The following RABL6 variants were observed in gnomAD, a reference collection of about 807,000 sequenced individuals.
RABL6 encodes rab-like protein 6.
Under a neutral mutation model 72.9 loss-of-function variants are expected in RABL6, and 28 were observed. That is an observed-to-expected ratio of 0.38 (90% confidence interval 0.28 to 0.53). RABL6 has a LOEUF of 0.53. RABL6 is among the 20% of genes least tolerant of loss of function. The probability of loss-of-function intolerance (pLI) is 0.80; values close to 1 mark genes in which losing one functional copy is unlikely to be tolerated. For synonymous variants in RABL6, 477 were observed against 421.2 expected (o/e 1.13, Z -1.62); for missense variants, 1,029 against 1,008.4 (o/e 1.02, Z -0.28).
In RABL6 at chr9:136,838,979, C is replaced by T. The variant is rs1208557972; in HGVS notation, c.1351C>T (p.Pro451Ser). ...GGACGATGTGGACCTCGAAGACCAG[C>T]CACGTGGGAGTCCCCCGCTGCCTGC... ...FQDDVDLEDQ[P>S]RGSPPLPAGP... Residue 451 changes from proline (P) to serine (S), a missense_variant, in exon 11 of 15, where the codon CCA becomes TCA. Pro to Ser is a moderately conservative substitution (Grantham distance 74). This residue lies in a region of RABL6 where 595 missense variants were observed against 472.4 expected (regional missense o/e 1.26). Transcript: ENST00000311502. The T allele has an allele frequency of 1.2e-6, 2 of 1,611,602 alleles. No individual in the cohort carries two copies. The highest frequency in any genetic ancestry group is 2.2e-5 in the East Asian group (1 of 44,866).
intron 5 of RABL6, 135 bp from the exon 6 acceptor site, chr9:136,831,586 G>T (rs1187642602): frequency 1.5e-5 from 20 of 1,291,068 alleles, no homozygotes; most frequent in Non-Finnish European, 1.9e-5. Flanking sequence ...CATGCACGAG[G>T]CATGCTTCTG....
intron 6 of RABL6, 147 bp from the exon 7 acceptor site, chr9:136,832,118 C>G: frequency 1.1e-6 from 1 of 903,330 alleles, no homozygotes; most frequent in Non-Finnish European, 1.7e-6. Context: ...GGCTTAGCTG[C>G]TTAGCAGGGC....
chr9:136,810,527 ATTTCT>A (rs765538814), intron 1 of RABL6, among the ~76,000 whole-genome samples: 7 of 152,140 alleles, frequency 4.6e-5, no homozygotes, highest in South Asian at 4.2e-4. Flanking sequence ...AGTTTCTAGT[ATTTCT>A]TTTCTTTTCT....
At chr9:136,817,962 C>T (rs1283651136) in intron 1 of RABL6, among the ~76,000 whole-genome samples, 5 of 148,428 alleles carry the variant, frequency 3.4e-5, no homozygotes, top group African/African-American at 7.5e-5. Flanking sequence ...CTCAGGAGGC[C>T]GAGGCACAAG....
chr9:136,828,283 G>T, intron 3 of RABL6: 1 of 566,092 alleles, frequency 1.8e-6, no homozygotes, highest in Non-Finnish European at 3.2e-6. Flanking sequence ...GTCCAGGCCC[G>T]GCCCAGCCCT....
intron 7 of RABL6, 80 bp downstream of exon 7, chr9:136,832,450 C>G (rs756048697): frequency 1.8e-6 from 2 of 1,128,218 alleles, no homozygotes; most frequent in South Asian, 1.2e-5. Context: ...CAACGGGTCT[C>G]CCTCCTAACC....
Position 136,834,213 on chromosome 9 carries a change from A to G in RABL6, c.706-1529A>G, listed in dbSNP as rs894580393. The G allele has an allele frequency of 6.6e-6, 8 of 1,216,038 alleles. No homozygotes were observed. The Admixed American group carries it at 1.2e-4, about 18-fold the overall frequency. 75.3% of individuals were successfully genotyped at this position (1,216,038 alleles called of 1,614,324 possible). A position where few individuals can be genotyped will look rare whatever the true frequency, so the allele number is the denominator to read the frequency against. Reference sequence around the variant, plus strand: ...AAAAATATTTCAAACACATCTCTAAAAAAATCAGTTGTTTTTTTAACCTGA... The same window carrying G: ...AAAAATATTTCAAACACATCTCTAAGAAAATCAGTTGTTTTTTTAACCTGA... On this transcript the variant is annotated intron_variant, in intron 7 of 14. Transcript: ENST00000311502.
In RABL6 at chr9:136,840,146, CTG is replaced by C. The variant is rs1159565211; in HGVS notation, c.1931-5_1931-4del. The C allele has an allele frequency of 3.1e-6, 5 of 1,612,758 alleles. No homozygotes were observed. Among genetic ancestry groups the C allele is most frequent in the Non-Finnish European group, 4.2e-6 (5 of 1,179,826 alleles). ...GAGTTTGAGCCACTGTCTGTCCTGT[CTG>C]TGCAGGTAAGGAGGGCAAAACCCCC... On this transcript the variant is annotated splice_region_variant and splice_polypyrimidine_tract_variant and intron_variant, in intron 13 of 14. Coordinates refer to ENST00000311502, the MANE Select transcript of RABL6 (RefSeq NM_024718.5).
At chr9:136,823,693 T>C (rs1848291828) in intron 2 of RABL6, 34 bp downstream of exon 2, 1 of 1,565,848 alleles carries the variant, frequency 6.4e-7, no homozygotes, top group African/African-American at 1.4e-5. Context: ...GGGTTCGGGC[T>C]CCAGGCTTCT....
intron 2 of RABL6, 42 bp from the exon 3 acceptor site, chr9:136,825,737 A>G (rs1049741949): frequency 6.3e-7 from 1 of 1,599,160 alleles, no homozygotes; most frequent in African/African-American, 1.3e-5. Flanking sequence ...CACCTTGGGA[A>G]CTTCATGTTG....
chr9:136,811,086 C>CA (rs1325720763), intron 1 of RABL6, among the ~76,000 whole-genome samples: 1 of 152,182 alleles, frequency 6.6e-6, no homozygotes, highest in Non-Finnish European at 1.5e-5. Flanking sequence ...ATGAAAAAGT[C>CA]AAACTCTGTC....
intron 10 of RABL6, among the ~76,000 whole-genome samples, chr9:136,838,615 C>T (rs1848626269): frequency 6.6e-6 from 1 of 152,250 alleles, no homozygotes. Context: ...GACAGAAAGC[C>T]CCGTGGCCCT....
intron 2 of RABL6, 33 bp downstream of exon 2, chr9:136,823,692 C>A (rs757022421): frequency 6.4e-7 from 1 of 1,565,694 alleles, no homozygotes; most frequent in Non-Finnish European, 8.7e-7. Context: ...TGGGTTCGGG[C>A]TCCAGGCTTC....
chr9:136,837,434 C>T lies in RABL6; in HGVS notation c.898C>T (p.Pro300Ser). ...GAGCCCATCCCCGGGCTCCCAGTCA[C>T]CAGTGGTGCCTGCAGGCGCTGTGTC... ...GQSPSPGSQS[P>S]VVPAGAVSTG... The change falls in exon 9 of 15, where the codon CCA becomes TCA. Residue 300 changes from proline (P) to serine (S), a missense_variant. Pro to Ser is a moderately conservative substitution (Grantham distance 74). This residue lies in a region of RABL6 where 434 missense variants were observed against 536.1 expected (regional missense o/e 0.81). Transcript: ENST00000311502. 6.3e-7 allele frequency: 1 copy of T among 1,578,250 alleles called. No homozygotes were observed. The highest frequency in any genetic ancestry group is 8.6e-7 in the Non-Finnish European group (1 of 1,164,060).
intron 7 of RABL6, 181 bp downstream of exon 7, chr9:136,832,551 C>G (rs1588367311): frequency 1.4e-6 from 1 of 703,750 alleles, no homozygotes; most frequent in Admixed American, 2.0e-5. Flanking sequence ...GCAGAGGGTA[C>G]AGGGTCCTGA....
At chr9:136,825,642 C>G (rs1848339206) in intron 2 of RABL6, 137 bp from the exon 3 acceptor site, 2 of 905,820 alleles carry the variant, frequency 2.2e-6, no homozygotes, top group Non-Finnish European at 3.7e-6. Flanking sequence ...GAGGACACAT[C>G]CCCTGCTTCT....
chr9:136,837,221 GCGGGTGGCCC>G (rs1423496835), intron 8 of RABL6, 115 bp from the exon 9 acceptor site: 1 of 1,097,342 alleles, frequency 9.1e-7, no homozygotes, highest in South Asian at 1.3e-5. Context: ...CCTCTGTGGG[GCGGGTGGCCC>G]AGAACACAGT....
intron 1 of RABL6, among the ~76,000 whole-genome samples, chr9:136,812,558 T>TA (rs1056086212): frequency 4.5e-4 from 67 of 148,634 alleles, no homozygotes; most frequent in East Asian, 3.9e-3. Flanking sequence ...GACTTCGTCT[T>TA]AAAAAAAAAA....
chr9:136,824,943 G>A (rs1161374685), intron 2 of RABL6, among the ~76,000 whole-genome samples: 3 of 152,250 alleles, frequency 2.0e-5, no homozygotes, highest in Non-Finnish European at 4.4e-5. Context: ...GATGTGATTG[G>A]TGTGGGGGCA....
Sources: allele counts gnomAD v4.1 joint callset (sites outside exome capture counted in the v4.1 genomes callset), GRCh38; gene constraint gnomAD v4.1.1; regional missense constraint gnomAD v4.1.1; transcripts MANE v1.5; gene names NCBI Gene and HGNC (gene_info 2026-07-23, HGNC 2026-07-21).